Variants in ANKS1B observed in about 807,000 individuals in gnomAD.
ANKS1B encodes ankyrin repeat and sterile alpha motif domain-containing protein 1B.
Under a neutral mutation model 148.3 loss-of-function variants are expected in ANKS1B, and 36 were observed. That is an observed-to-expected ratio of 0.24 (90% CI 0.19 to 0.32). The LOEUF (loss-of-function observed/expected upper bound fraction) is 0.32. ANKS1B is among the 10% of genes least tolerant of loss of function. The probability of loss-of-function intolerance (pLI) is 1.00; values close to 1 mark genes in which losing one functional copy is unlikely to be tolerated. For missense variants in ANKS1B, 1,157 were observed against 1,542.6 expected, an observed-to-expected ratio of 0.75 and a Z score of 4.19; for synonymous variants, 542 against 560.8, an observed-to-expected ratio of 0.97 and a Z score of 0.47.
Position 99,106,050 on chromosome 12 carries a change from T to C in ANKS1B, c.2527-21027A>G, listed in dbSNP as rs140704611. ...CATATCCCTTAGACAGTCTGTGACA[T>C]GGAGTGAAAAACCCTCCCTGACAGA... is the stretch of plus-strand genomic sequence containing the variant. On this transcript the variant is annotated intron_variant, in intron 15 of 26. Coordinates refer to ENST00000683438, the MANE Select transcript of ANKS1B (RefSeq NM_001352186.2). 2.9e-3 allele frequency among the ~76,000 whole-genome samples: 434 copies of C among 152,258 alleles called. 4 individuals carry two copies. Among genetic ancestry groups the C allele is most frequent in the African/African-American group, 9.8e-3 (408 of 41,560 alleles).
At chr12:98,983,846 C>T (rs1276187917) in intron 17 of ANKS1B, among the ~76,000 whole-genome samples, 2 of 152,224 alleles carry the variant, frequency 1.3e-5, no homozygotes, top group East Asian at 3.8e-4. Flanking sequence ...CTTTAGCTCT[C>T]AGCTCCTCCC....
At position 99,984,031 on chromosome 12, in the gene ANKS1B, TGAG is replaced by T. The variant is rs1446306466; in HGVS notation, c.134+70_134+72del. 21 of 1,323,880 alleles carry T rather than the reference TGAG, an allele frequency of 1.6e-5. No individual in the cohort carries two copies. The East Asian group carries it at 4.3e-4, about 27-fold the overall frequency. 82.0% of individuals were successfully genotyped at this position (1,323,880 alleles called of 1,614,324 possible). On this transcript the variant is annotated intron_variant, in intron 1 of 26. Coordinates refer to ENST00000683438, the MANE Select transcript of ANKS1B (RefSeq NM_001352186.2). ...TGGCAGCCACCAGGTGCAATAACCGTGAGGAGGAGGACGTATATCCATCACAAT... is the reference window on the plus strand; with the variant it reads ...TGGCAGCCACCAGGTGCAATAACCGTGAGGAGGACGTATATCCATCACAAT...
intron 9 of ANKS1B, among the ~76,000 whole-genome samples, chr12:99,570,489 T>C (rs1304739838): frequency 6.6e-6 from 1 of 151,832 alleles, no homozygotes; most frequent in African/African-American, 2.4e-5. Context: ...CTACTAAAAA[T>C]ACAAAAAATT....
intron 15 of ANKS1B, among the ~76,000 whole-genome samples, chr12:99,109,542 T>C (rs573332717): frequency 2.6e-5 from 4 of 152,296 alleles, no homozygotes; most frequent in African/African-American, 7.2e-5. Context: ...AATAATTTCT[T>C]CACCCTCAAT....
At chr12:99,812,705 T>C (rs2068585971) in intron 2 of ANKS1B, among the ~76,000 whole-genome samples, 1 of 151,584 alleles carries the variant, frequency 6.6e-6, no homozygotes, top group Non-Finnish European at 1.5e-5. Context: ...TCCCATTTTT[T>C]TTTTTAAAAA....
chr12:99,215,452 TAC>T (rs2084010975), intron 14 of ANKS1B, among the ~76,000 whole-genome samples: 1 of 152,104 alleles, frequency 6.6e-6, no homozygotes, highest in East Asian at 1.9e-4. Context: ...TGACAGCTTG[TAC>T]CGTGTGTCTG....
chr12:99,789,213 C>T (rs915514019), intron 4 of ANKS1B, among the ~76,000 whole-genome samples: 4 of 152,144 alleles, frequency 2.6e-5, no homozygotes, highest in Non-Finnish European at 4.4e-5. Flanking sequence ...AGAGTCTCTG[C>T]CTAGTAATAC....
At chr12:99,690,078 C>A (rs991282755) in intron 8 of ANKS1B, among the ~76,000 whole-genome samples, 1 of 152,056 alleles carries the variant, frequency 6.6e-6, no homozygotes, top group African/African-American at 2.4e-5. Context: ...CTTCACAGGG[C>A]GGCAGGACAG....
At chr12:99,363,358 T>C (rs962456376) in intron 12 of ANKS1B, among the ~76,000 whole-genome samples, 3 of 152,176 alleles carry the variant, frequency 2.0e-5, no homozygotes, top group African/African-American at 7.2e-5. Context: ...TTGTTCATTA[T>C]TTTACCATTG....
rs1298815380 is a variant in ANKS1B at position 98,919,961 on chromosome 12, T to G, written c.2779-87825A>C. Among the ~76,000 whole-genome samples, 3 of 152,320 alleles carry G rather than the reference T, an allele frequency of 2.0e-5. No individual in the cohort carries two copies. The East Asian group carries it at 5.8e-4, about 29-fold the overall frequency. ...TGGGGAAAACTCACTAATTCAACAC[T>G]GAGTTCTCTGAAAGTGATGGTGTAT... On this transcript the variant is annotated intron_variant, in intron 17 of 26. Coordinates refer to ENST00000683438, the MANE Select transcript of ANKS1B (RefSeq NM_001352186.2).
intron 14 of ANKS1B, among the ~76,000 whole-genome samples, chr12:99,193,040 C>T (rs1284303097): frequency 6.6e-6 from 1 of 152,156 alleles, no homozygotes; most frequent in African/African-American, 2.4e-5. Context: ...TCTTAGACAA[C>T]CTGTTGTCAA....
chr12:99,291,602 A>C (rs1054293355), intron 12 of ANKS1B, among the ~76,000 whole-genome samples: 2 of 152,218 alleles, frequency 1.3e-5, no homozygotes, highest in African/African-American at 4.8e-5. Flanking sequence ...ATGTACAGTG[A>C]ACTTATTTTT....
intron 8 of ANKS1B, among the ~76,000 whole-genome samples, chr12:99,725,304 G>A (rs962176135): frequency 6.6e-6 from 1 of 152,134 alleles, no homozygotes; most frequent in Non-Finnish European, 1.5e-5. Flanking sequence ...ATGAAGAGAT[G>A]GAGGCAAGTT....
chr12:99,404,445 G>T (rs1163125312), intron 11 of ANKS1B, among the ~76,000 whole-genome samples: 1 of 145,628 alleles, frequency 6.9e-6, no homozygotes, highest in Non-Finnish European at 1.5e-5. Flanking sequence ...TTAACAAAGA[G>T]ATTGAAATTA....
intron 12 of ANKS1B, among the ~76,000 whole-genome samples, chr12:99,302,873 G>A (rs1255876092): frequency 6.6e-6 from 1 of 152,112 alleles, no homozygotes; most frequent in Non-Finnish European, 1.5e-5. Context: ...CATACTGAAA[G>A]TAGAGATGAC....
chr12:98,862,906 C>A (rs955026943), intron 17 of ANKS1B, among the ~76,000 whole-genome samples: 5 of 152,106 alleles, frequency 3.3e-5, no homozygotes, highest in African/African-American at 1.2e-4. Context: ...TTTTTGGCCC[C>A]AGCATAAAAT....
At chr12:99,259,119 G>A (rs538225784) in intron 12 of ANKS1B, among the ~76,000 whole-genome samples, 3 of 152,092 alleles carry the variant, frequency 2.0e-5, no homozygotes, top group Admixed American at 6.5e-5. Context: ...ACATCACGAC[G>A]CTTTGTGTCG....
chr12:99,944,952 A>T (rs1413481033), intron 1 of ANKS1B, among the ~76,000 whole-genome samples: 1 of 152,098 alleles, frequency 6.6e-6, no homozygotes, highest in Non-Finnish European at 1.5e-5. Context: ...TAGCCAGGTG[A>T]AGGAAGCCAA....
chr12:99,197,699 C>G (rs2081551324), intron 14 of ANKS1B, among the ~76,000 whole-genome samples: 1 of 152,058 alleles, frequency 6.6e-6, no homozygotes, highest in Non-Finnish European at 1.5e-5. Flanking sequence ...GAAGAGGCTA[C>G]AAATCAAGAA....
Sources: gnomAD v4.1 joint callset for allele counts (sites outside exome capture counted in the v4.1 genomes callset) on GRCh38, gnomAD v4.1.1 for gene constraint, MANE v1.5 for transcripts, NCBI Gene and HGNC (gene_info 2026-07-23, HGNC 2026-07-21) for gene names.